The following ARHGAP23 variants were observed in gnomAD, a reference collection of about 807,000 sequenced individuals.
ARHGAP23 encodes the protein Rho GTPase activating protein 23, also known as rho GTPase-activating protein 23.
A neutral mutation model predicts 136.3 loss-of-function variants in ARHGAP23; 34 were observed. That is an observed-to-expected ratio of 0.25 (90% CI 0.19 to 0.33). The LOEUF (loss-of-function observed/expected upper bound fraction) is 0.33, where lower values mean the gene tolerates loss of function less well. Ranked by LOEUF, ARHGAP23 falls within the 10% of genes least tolerant of loss-of-function variation. The pLI is 1.00. For missense variants in ARHGAP23, 1,808 were observed against 2,139.0 expected (o/e 0.85, Z 3.05); for synonymous variants, 832 against 920.5 (o/e 0.90, Z 1.74).
intron 22 of ARHGAP23, 58 bp downstream of exon 22, chr17:38,498,568 G>A (rs2040445405): frequency 1.5e-6 from 2 of 1,371,708 alleles, no homozygotes; most frequent in Admixed American, 2.6e-5. Flanking sequence ...ATTCCTGAGG[G>A]TCCCAGGTGC....
At chr17:38,493,152 G>A (rs1257567770) in intron 20 of ARHGAP23, among the ~76,000 whole-genome samples, 1 of 91,810 alleles carries the variant, frequency 1.1e-5, no homozygotes, top group Non-Finnish European at 2.1e-5. Context: ...TTGAGGTTAC[G>A]TCAGGCTGGG....
chr17:38,473,858 G>A (rs2039825245), intron 11 of ARHGAP23, among the ~76,000 whole-genome samples: 1 of 152,196 alleles, frequency 6.6e-6, no homozygotes, highest in Non-Finnish European at 1.5e-5. Context: ...GGAATTGGGT[G>A]CCTGCCCAGA....
chr17:38,421,408 G>A (rs1327128353), intron 1 of ARHGAP23, among the ~76,000 whole-genome samples: 1 of 152,194 alleles, frequency 6.6e-6, no homozygotes, highest in Non-Finnish European at 1.5e-5. Flanking sequence ...AGGTGCCTAG[G>A]CTGATGTGGT....
chr17:38,485,538 G>A (rs1172888515), intron 16 of ARHGAP23, among the ~76,000 whole-genome samples: 1 of 152,206 alleles, frequency 6.6e-6, no homozygotes, highest in Non-Finnish European at 1.5e-5. Flanking sequence ...ACAAAGTCAG[G>A]GCTGGGGTGC....
intron 1 of ARHGAP23, 26 bp from the exon 2 acceptor site, chr17:38,458,076 C>A (rs1414365548): frequency 6.5e-7 from 1 of 1,535,524 alleles, no homozygotes; most frequent in South Asian, 1.2e-5. Flanking sequence ...CACGGGCGCT[C>A]AGCCTGGCCT....
At chr17:38,454,880 T>C (rs1270561238) in intron 1 of ARHGAP23, among the ~76,000 whole-genome samples, 1 of 152,250 alleles carries the variant, frequency 6.6e-6, no homozygotes, top group Non-Finnish European at 1.5e-5. Flanking sequence ...CCGTCTGCCC[T>C]GCTGTCACCA....
chr17:38,430,988 C>G (rs1360385293), intron 1 of ARHGAP23, among the ~76,000 whole-genome samples: 3 of 152,026 alleles, frequency 2.0e-5, no homozygotes, highest in Non-Finnish European at 2.9e-5. Flanking sequence ...CATTATTATC[C>G]CCATTTTACA....
chr17:38,476,865 G>A (rs1426640703), intron 11 of ARHGAP23, among the ~76,000 whole-genome samples: 1 of 152,188 alleles, frequency 6.6e-6, no homozygotes, highest in Non-Finnish European at 1.5e-5. Flanking sequence ...TGTCCCGTGG[G>A]GACTAGTCTC....
At chr17:38,479,932 T>TGGGGGGGGGCTG in intron 14 of ARHGAP23, 49 bp downstream of exon 14, 1 of 698,556 alleles carries the variant, frequency 1.4e-6, no homozygotes, top group East Asian at 5.5e-5. Context: ...GCAGGGGGCA[T>TGGGGGGGGGCTG]GGGGAGGGGA....
At chr17:38,428,736 G>C (rs974042755) in intron 1 of ARHGAP23, among the ~76,000 whole-genome samples, 188 bp downstream of exon 1, 1 of 152,150 alleles carries the variant, frequency 6.6e-6, no homozygotes, top group Non-Finnish European at 1.5e-5. Context: ...AGCAAGAGCT[G>C]TCCGGGGTAG....
At chr17:38,423,529 G>A (rs750805996), upstream of ARHGAP23, among the ~76,000 whole-genome samples, 9 of 152,030 alleles carry the variant, frequency 5.9e-5, no homozygotes, top group Admixed American at 3.3e-4. Flanking sequence ...ACACCACCAC[G>A]CCTGGCTAAG....
At chr17:38,453,040 A>G (rs12938828) in intron 1 of ARHGAP23, among the ~76,000 whole-genome samples, 3,134 of 152,224 alleles carry the variant, frequency 0.021, 124 homozygotes, top group African/African-American at 0.071. Context: ...TGTGGCATCC[A>G]TGCCTGGAGT....
chr17:38,485,430 G>T (rs1437476862), intron 16 of ARHGAP23, among the ~76,000 whole-genome samples: 1 of 152,178 alleles, frequency 6.6e-6, no homozygotes, highest in East Asian at 1.9e-4. Flanking sequence ...ACGGGATCCT[G>T]TCTCCTCCTG....
At chr17:38,422,942 C>G (rs1286244848) in intron 1 of ARHGAP23, among the ~76,000 whole-genome samples, 1 of 152,214 alleles carries the variant, frequency 6.6e-6, no homozygotes, top group African/African-American at 2.4e-5. Flanking sequence ...GCCCCACCCT[C>G]TCCCTCCTTT....
At chr17:38,509,127 G>T (rs2040698603) in intron 23 of ARHGAP23, among the ~76,000 whole-genome samples, 1 of 152,020 alleles carries the variant, frequency 6.6e-6, no homozygotes, top group African/African-American at 2.4e-5. Context: ...CTTCCAGAAG[G>T]CCATGGGCGG....
At chr17:38,428,389 C>CA (rs1377117859), upstream of ARHGAP23, 3 of 449,164 alleles carry the variant, frequency 6.7e-6, no homozygotes, top group African/African-American at 2.1e-5. Context: ...GGGGGCCCCC[C>CA]CACACCGCGC....
chr17:38,472,016 G>T lies in ARHGAP23; in HGVS notation c.2118+10G>T. The T allele has an allele frequency of 1.3e-6, 2 of 1,543,492 alleles. No homozygotes were observed. Among genetic ancestry groups the T allele is most frequent in the Non-Finnish European group, 1.7e-6 (2 of 1,143,340 alleles). On this transcript the variant is annotated intron_variant, in intron 11 of 23. Coordinates refer to ENST00000622683, the MANE Select transcript of ARHGAP23 (RefSeq NM_001199417.2). ...CACCAAGAAGGGGAAGGTAAGATGGGTGGAGGAATGAGGTGGAAGCTGGCT... is the reference window on the plus strand; with the variant it reads ...CACCAAGAAGGGGAAGGTAAGATGGTTGGAGGAATGAGGTGGAAGCTGGCT...
At chr17:38,442,070 C>T (rs940502497) in intron 1 of ARHGAP23, among the ~76,000 whole-genome samples, 1 of 152,220 alleles carries the variant, frequency 6.6e-6, no homozygotes, top group Non-Finnish European at 1.5e-5. Flanking sequence ...ATCCTCCCAC[C>T]TCAGCCTCCC....
chr17:38,499,649 C>T (rs1028120833), intron 22 of ARHGAP23, among the ~76,000 whole-genome samples: 1 of 152,176 alleles, frequency 6.6e-6, no homozygotes, highest in Non-Finnish European at 1.5e-5. Flanking sequence ...GACCCCATGT[C>T]TCTTCTAATC....
Sources: gnomAD v4.1 joint callset for allele counts (sites outside exome capture counted in the v4.1 genomes callset) on GRCh38, gnomAD v4.1.1 for gene constraint, MANE v1.5 for transcripts, NCBI Gene and HGNC (gene_info 2026-07-23, HGNC 2026-07-21) for gene names.